SGCZ: variants seen among roughly 807,000 people sequenced by gnomAD.
SGCZ encodes the protein sarcoglycan zeta, also known as zeta-sarcoglycan.
SGCZ carries 40 observed loss-of-function variants against 41.3 expected under a neutral mutation model. The ratio of observed to expected loss-of-function variants is 0.97; its 90% CI spans 0.75 to 1.26. The LOEUF (loss-of-function observed/expected upper bound fraction) is 1.26. SGCZ is among the 50% of genes most tolerant of loss of function. The pLI, the probability that SGCZ is intolerant of heterozygous loss-of-function variation, is 0.00. For synonymous variants in SGCZ, 206 were observed against 137.5 expected (o/e 1.50, Z -3.49); for missense variants, 552 against 369.8 (o/e 1.49, Z -4.04).
chr8:14,194,789 T>G (rs1302502400), intron 4 of SGCZ, among the ~76,000 whole-genome samples: 3 of 151,894 alleles, frequency 2.0e-5, no homozygotes, highest in Non-Finnish European at 4.4e-5. Flanking sequence ...ATTACCATTT[T>G]AAGAGAGCTG....
At chr8:14,660,927 A>C (rs1311060515) in intron 1 of SGCZ, among the ~76,000 whole-genome samples, 1 of 152,164 alleles carries the variant, frequency 6.6e-6, no homozygotes, top group African/African-American at 2.4e-5. Context: ...TTTAGGCTCA[A>C]ATCTGAAGAA....
At chr8:14,904,157 T>C (rs1429411870) in intron 1 of SGCZ, among the ~76,000 whole-genome samples, 6 of 152,086 alleles carry the variant, frequency 3.9e-5, no homozygotes, top group Non-Finnish European at 5.9e-5. Flanking sequence ...TATAGTAATA[T>C]ATACTTCATG....
chr8:14,987,985 T>A (rs1801881428), intron 1 of SGCZ, among the ~76,000 whole-genome samples: 1 of 151,980 alleles, frequency 6.6e-6, no homozygotes, highest in Admixed American at 6.6e-5. Context: ...ATTACAATAA[T>A]CACTATGAAT....
chr8:14,807,546 G>A (rs1026967675), intron 1 of SGCZ, among the ~76,000 whole-genome samples: 6 of 151,614 alleles, frequency 4.0e-5, no homozygotes, highest in South Asian at 2.1e-4. Flanking sequence ...CCTCTTCAAG[G>A]AGAACTACAA....
At chr8:15,174,678 T>C (rs1160018227) in intron 1 of SGCZ, among the ~76,000 whole-genome samples, 2 of 152,190 alleles carry the variant, frequency 1.3e-5, no homozygotes, top group Non-Finnish European at 2.9e-5. Flanking sequence ...GTATAAACGA[T>C]CCAATTTATC....
intron 1 of SGCZ, among the ~76,000 whole-genome samples, chr8:14,920,295 G>T (rs1403420808): frequency 6.6e-6 from 1 of 152,100 alleles, no homozygotes; most frequent in Non-Finnish European, 1.5e-5. Flanking sequence ...ATTTCAAAGT[G>T]GCAGCTAATG....
intron 1 of SGCZ, among the ~76,000 whole-genome samples, chr8:14,682,229 G>C (rs368901813): frequency 5.9e-5 from 9 of 151,984 alleles, no homozygotes; most frequent in African/African-American, 2.2e-4. Flanking sequence ...ACTTTAACAG[G>C]AATATAAAAG....
At chr8:14,534,291 T>C (rs1803227942) in intron 2 of SGCZ, among the ~76,000 whole-genome samples, 1 of 151,958 alleles carries the variant, frequency 6.6e-6, no homozygotes, top group African/African-American at 2.4e-5. Flanking sequence ...CTCATTGGTG[T>C]TCAGTGAAAA....
At chr8:14,657,514 GA>G (rs1343736884) in intron 1 of SGCZ, among the ~76,000 whole-genome samples, 4 of 152,038 alleles carry the variant, frequency 2.6e-5, no homozygotes, top group Admixed American at 6.6e-5. Context: ...TAAAAGCAAA[GA>G]AAAAAATCAT....
chr8:14,782,046 G>A (rs2253103), intron 1 of SGCZ, among the ~76,000 whole-genome samples: 69,855 of 151,542 alleles, frequency 0.46, 17,954 homozygotes, highest in East Asian at 0.57. Flanking sequence ...GAGAAATTTG[G>A]GTGACAAACT....
chr8:15,198,066 G>A (rs1388715589), intron 1 of SGCZ, among the ~76,000 whole-genome samples: 1 of 148,280 alleles, frequency 6.7e-6, no homozygotes, highest in Non-Finnish European at 1.5e-5. Flanking sequence ...CATTATATAT[G>A]TATAATGGCA....
chr8:14,841,352 A>G (rs116445328), intron 1 of SGCZ, among the ~76,000 whole-genome samples: 5,223 of 152,152 alleles, frequency 0.034, 103 homozygotes, highest in Middle Eastern at 0.054. Flanking sequence ...AAAGGCTACT[A>G]TCTAGAATTT....
At chr8:14,735,896 C>T (rs2254763) in intron 1 of SGCZ, among the ~76,000 whole-genome samples, 151,599 of 152,142 alleles carry the variant, frequency 1, 75,534 homozygotes, top group Middle Eastern at 1. Context: ...GCACCAAGAG[C>T]GAGTAAAGCC....
intron 1 of SGCZ, among the ~76,000 whole-genome samples, chr8:14,642,808 T>C (rs1371437262): frequency 1.3e-5 from 2 of 151,550 alleles, no homozygotes; most frequent in Non-Finnish European, 3.0e-5. Context: ...GGCACTGACT[T>C]TTTGTACTGA....
intron 1 of SGCZ, among the ~76,000 whole-genome samples, chr8:15,236,582 C>A (rs1563200389): frequency 6.6e-6 from 1 of 152,162 alleles, no homozygotes; most frequent in Admixed American, 6.5e-5. Flanking sequence ...CGCCCCCTTT[C>A]CCGCTTTTTC....
intron 2 of SGCZ, among the ~76,000 whole-genome samples, chr8:14,325,262 A>G (rs1023788600): frequency 2.0e-5 from 3 of 152,108 alleles, no homozygotes; most frequent in African/African-American, 7.2e-5. Flanking sequence ...ATGGTGGAAG[A>G]AAAATTTACA....
chr8:15,147,324 G>T (rs1185230746), intron 1 of SGCZ, among the ~76,000 whole-genome samples: 2 of 152,038 alleles, frequency 1.3e-5, no homozygotes, highest in Non-Finnish European at 2.9e-5. Context: ...TTTTGACCAG[G>T]CTGGAGTGCA....
intron 1 of SGCZ, among the ~76,000 whole-genome samples, chr8:14,585,190 G>C (rs1230914543): frequency 1.3e-5 from 2 of 152,040 alleles, no homozygotes; most frequent in Non-Finnish European, 2.9e-5. Flanking sequence ...TTTAGCTTCG[G>C]CGTTAAATGT....
intron 4 of SGCZ, among the ~76,000 whole-genome samples, chr8:14,232,382 G>A (rs1376987361): frequency 6.6e-6 from 1 of 151,876 alleles, no homozygotes; most frequent in Non-Finnish European, 1.5e-5. Flanking sequence ...GATGTTAATT[G>A]CTCAAAGTGT....
Sources: gnomAD v4.1 joint callset for allele counts (sites outside exome capture counted in the v4.1 genomes callset) on GRCh38, gnomAD v4.1.1 for gene constraint, MANE v1.5 for transcripts, NCBI Gene and HGNC (gene_info 2026-07-23, HGNC 2026-07-21) for gene names.